GPATCH2L: variants seen among roughly 807,000 people sequenced by gnomAD.
The protein encoded by GPATCH2L is G-patch domain containing 2 like, also known as G patch domain-containing protein 2-like.
In GPATCH2L, 31 loss-of-function variants were observed where a neutral mutation model predicts 57.4. The ratio of observed to expected loss-of-function variants is 0.54; its 90% confidence interval spans 0.41 to 0.73. GPATCH2L has a LOEUF of 0.73. Among genes scored for constraint, GPATCH2L ranks in the 30% least tolerant of loss-of-function variants. The probability of loss-of-function intolerance (pLI) is 0.00; values close to 1 mark genes in which losing one functional copy is unlikely to be tolerated. For missense variants in GPATCH2L, 481 were observed against 599.9 expected (o/e 0.80, Z 2.07); for synonymous variants, 199 against 210.7 (o/e 0.94, Z 0.48).
intron 6 of GPATCH2L, among the ~76,000 whole-genome samples, chr14:76,177,138 T>C (rs927476680): frequency 2.0e-5 from 3 of 152,134 alleles, no homozygotes; most frequent in African/African-American, 7.2e-5. Flanking sequence ...CTCTGCCTCC[T>C]AGGCTCAAGC....
intron 2 of GPATCH2L, among the ~76,000 whole-genome samples, chr14:76,156,110 A>G (rs2038295562): frequency 6.6e-6 from 1 of 152,246 alleles, no homozygotes; most frequent in Admixed American, 6.5e-5. Flanking sequence ...TTGAGGTTAT[A>G]AGAGCTTAGA....
intron 1 of GPATCH2L, among the ~76,000 whole-genome samples, chr14:76,220,360 C>A (rs1398779604): frequency 6.6e-6 from 1 of 152,072 alleles, no homozygotes; most frequent in African/African-American, 2.4e-5. Flanking sequence ...TATAGCTATA[C>A]AAATATCAGT....
rs1594987806 is a variant in GPATCH2L at position 76,196,326 on chromosome 14, T to A, written c.1288+354T>A. On this transcript the variant is annotated intron_variant, in intron 9 of 9. Transcript: ENST00000261530. ...AGTCACACAGGGTTATTTACTTTCT[T>A]ATTTTGCATACAGTACAGTACATTC... 8 of 587,020 alleles carry A rather than the reference T, an allele frequency of 1.4e-5. No individual in the cohort carries two copies. In the East Asian group the frequency reaches 2.3e-4, roughly 17 times the overall value. 36.4% of individuals were successfully genotyped at this position (587,020 alleles called of 1,614,324 possible).
At chr14:76,152,829 A>C (rs1255428418) in intron 1 of GPATCH2L, 2 of 451,108 alleles carry the variant, frequency 4.4e-6, no homozygotes, top group South Asian at 3.1e-5. Flanking sequence ...TTTTTAAAGC[A>C]GTAATTCTTT....
At chr14:76,201,013 T>A (rs1308452858) in intron 9 of GPATCH2L, among the ~76,000 whole-genome samples, 1 of 152,186 alleles carries the variant, frequency 6.6e-6, no homozygotes, top group African/African-American at 2.4e-5. Flanking sequence ...AGGATCCAGA[T>A]CGGTAAGTGT....
chr14:76,160,122 C>T (rs964800022), intron 2 of GPATCH2L, among the ~76,000 whole-genome samples: 2 of 151,840 alleles, frequency 1.3e-5, no homozygotes, highest in Admixed American at 1.3e-4. Flanking sequence ...CGAGCCTGGG[C>T]GACAGAGCGA....
rs57103783 is a variant in GPATCH2L at position 76,171,277 on chromosome 14, TA to T, written c.728-551del. Among the ~76,000 whole-genome samples the T allele has an allele frequency of 6.7e-3, 894 of 133,388 alleles. 3 individuals are homozygous for T. The highest frequency in any genetic ancestry group is 0.016 in the African/African-American group (575 of 36,214). 87.5% of individuals were successfully genotyped at this position (133,388 alleles called of 152,430 possible). On this transcript the variant is annotated intron_variant, in intron 3 of 9. Transcript: ENST00000261530. ...AGGAGACCCAGTTTCTACAGAGAAT[TA>T]AAAAAAAAAAAAAAGACTGGGCGCG... is the stretch of plus-strand genomic sequence containing the variant.
At chr14:76,166,596 A>G (rs751453563) in intron 2 of GPATCH2L, 67 bp from the exon 3 acceptor site, 7 of 1,044,318 alleles carry the variant, frequency 6.7e-6, no homozygotes, top group African/African-American at 3.1e-5. Flanking sequence ...GAAAACCAAA[A>G]TAAGTGTACA....
At chr14:76,193,581 T>C (rs535804381) in intron 8 of GPATCH2L, among the ~76,000 whole-genome samples, 1 of 152,258 alleles carries the variant, frequency 6.6e-6, no homozygotes, top group Non-Finnish European at 1.5e-5. Context: ...AAATATACAC[T>C]TGATAAACAG....
intron 2 of GPATCH2L, among the ~76,000 whole-genome samples, chr14:76,232,168 T>C (rs10151455): frequency 0.043 from 6,622 of 152,304 alleles, 501 homozygotes; most frequent in African/African-American, 0.15. Flanking sequence ...TTCCTCGGCC[T>C]CCCAAAATGC....
At chr14:76,172,577 G>C (rs2039134790) in intron 4 of GPATCH2L, among the ~76,000 whole-genome samples, 1 of 152,180 alleles carries the variant, frequency 6.6e-6, no homozygotes, top group African/African-American at 2.4e-5. Flanking sequence ...TGGAAATGTG[G>C]TGCTAATACT....
rs2040445730 is a variant in GPATCH2L at position 76,211,995 on chromosome 14, G to A, written c.*10144G>A. On this transcript the variant is annotated 3_prime_UTR_variant, in exon 10 of 10. Coordinates refer to ENST00000261530, the MANE Select transcript of GPATCH2L (RefSeq NM_017926.4). The stretch of plus-strand genomic sequence containing the variant: ...TGACTTATGTTCCATTATTAAAATA[G>A]TATAGGGAGGACAGGTAAATTACTA... 6.6e-6 allele frequency: 1 copy of A among 152,134 alleles called. No homozygotes were observed. The highest frequency in any genetic ancestry group is 1.5e-5 in the Non-Finnish European group (1 of 68,020). 9.4% of individuals were successfully genotyped at this position (152,134 alleles called of 1,614,324 possible).
At chr14:76,170,960 AC>A (rs1363692336) in intron 3 of GPATCH2L, among the ~76,000 whole-genome samples, 1 of 152,086 alleles carries the variant, frequency 6.6e-6, no homozygotes, top group East Asian at 1.9e-4. Flanking sequence ...GGAAGAGATG[AC>A]ATATTTACAG....
At chr14:76,157,941 GTGTA>G (rs2139561515) in intron 2 of GPATCH2L, among the ~76,000 whole-genome samples, 1 of 152,144 alleles carries the variant, frequency 6.6e-6, no homozygotes, top group South Asian at 2.1e-4. Flanking sequence ...ATATTTTTCT[GTGTA>G]TGTGTGTTTG....
intron 4 of GPATCH2L, among the ~76,000 whole-genome samples, chr14:76,172,897 G>T (rs1480962786): frequency 1.3e-5 from 2 of 152,186 alleles, no homozygotes; most frequent in Non-Finnish European, 2.9e-5. Flanking sequence ...GTAAAGACTA[G>T]CTGAGGCACA....
intron 8 of GPATCH2L, among the ~76,000 whole-genome samples, chr14:76,195,389 G>A (rs918207998): frequency 2.0e-5 from 3 of 151,946 alleles, no homozygotes; most frequent in Admixed American, 2.0e-4. Flanking sequence ...ATTTTTAAAA[G>A]TCACAGAAAC....
chr14:76,233,279 C>G (rs2040582946), intron 2 of GPATCH2L, among the ~76,000 whole-genome samples: 1 of 152,214 alleles, frequency 6.6e-6, no homozygotes, highest in Non-Finnish European at 1.5e-5. Context: ...CTCTCCACCC[C>G]CACGCAGCAG....
At chr14:76,187,815 C>A (rs2139761133) in intron 8 of GPATCH2L, among the ~76,000 whole-genome samples, 1 of 152,100 alleles carries the variant, frequency 6.6e-6, no homozygotes, top group South Asian at 2.1e-4. Flanking sequence ...AGATCTTATT[C>A]ATTCTTTCAA....
chr14:76,183,103 C>T (rs1329193205), intron 8 of GPATCH2L, among the ~76,000 whole-genome samples: 3 of 152,218 alleles, frequency 2.0e-5, no homozygotes, highest in Non-Finnish European at 2.9e-5. Context: ...GTACTTTTGT[C>T]AGGTTTCCTG....
Sources: allele counts gnomAD v4.1 joint callset (sites outside exome capture counted in the v4.1 genomes callset), GRCh38; gene constraint gnomAD v4.1.1; transcripts MANE v1.5; gene names NCBI Gene and HGNC (gene_info 2026-07-23, HGNC 2026-07-21).